Variants in TAF3 observed in about 807,000 individuals in gnomAD.
The protein encoded by TAF3 is TATA-box binding protein associated factor 3.
A neutral mutation model predicts 80.6 loss-of-function variants in TAF3; 7 were observed. That is an observed-to-expected ratio of 0.09 (90% CI 0.05 to 0.16). TAF3 has a LOEUF of 0.16. Ranked by LOEUF, TAF3 falls within the 10% of genes least tolerant of loss-of-function variation. The pLI is 1.00. For missense variants in TAF3, 921 were observed against 1,140.2 expected (o/e 0.81, Z 2.77); for synonymous variants, 444 against 446.1 (o/e 1.00, Z 0.06).
intron 2 of TAF3, among the ~76,000 whole-genome samples, chr10:7,852,304 C>T (rs1362375182): frequency 1.3e-5 from 2 of 152,216 alleles, no homozygotes; most frequent in African/African-American, 4.8e-5. Context: ...AATTTTCTCT[C>T]AAATGTTATA....
intron 2 of TAF3, among the ~76,000 whole-genome samples, chr10:7,927,888 C>A (rs11255447): frequency 0.54 from 81,895 of 151,732 alleles, 23,315 homozygotes; most frequent in East Asian, 0.7. Flanking sequence ...AAATAACGGG[C>A]TATGTTTAAA....
At chr10:7,822,319 A>G (rs1836698160) in intron 1 of TAF3, among the ~76,000 whole-genome samples, 1 of 152,116 alleles carries the variant, frequency 6.6e-6, no homozygotes, top group Non-Finnish European at 1.5e-5. Flanking sequence ...TGAGGCTGCA[A>G]AGCATATGGA....
chr10:7,850,527 T>G (rs1280627578), intron 2 of TAF3, among the ~76,000 whole-genome samples: 8 of 151,964 alleles, frequency 5.3e-5, no homozygotes, highest in African/African-American at 1.9e-4. Context: ...AATACAAAAA[T>G]TAGCCAGGCA....
At chr10:7,920,299 CGTGT>C (rs60287426) in intron 2 of TAF3, among the ~76,000 whole-genome samples, 4,091 of 101,322 alleles carry the variant, frequency 0.04, 135 homozygotes, top group African/African-American at 0.088. Context: ...TTTAAACATA[CGTGT>C]GTGTGTGTGT....
At chr10:7,880,235 C>G (rs1837347840) in intron 2 of TAF3, among the ~76,000 whole-genome samples, 1 of 152,032 alleles carries the variant, frequency 6.6e-6, no homozygotes, top group Non-Finnish European at 1.5e-5. Context: ...GAAACCTTGT[C>G]TCGGAAAAAA....
chr10:7,993,842 A>G (rs1588579926), intron 4 of TAF3, among the ~76,000 whole-genome samples: 1 of 151,342 alleles, frequency 6.6e-6, no homozygotes. Context: ...CGACCCTGAA[A>G]TACACCTCAT....
At chr10:7,995,503 G>T (rs998295857) in intron 4 of TAF3, among the ~76,000 whole-genome samples, 1 of 152,008 alleles carries the variant, frequency 6.6e-6, no homozygotes, top group African/African-American at 2.4e-5. Flanking sequence ...AGGAAATGTG[G>T]ATTATATATT....
chr10:7,942,238 T>C (rs1331368194), intron 2 of TAF3, among the ~76,000 whole-genome samples: 1 of 152,242 alleles, frequency 6.6e-6, no homozygotes, highest in Non-Finnish European at 1.5e-5. Flanking sequence ...GTTTTGTCGA[T>C]TTCAGTCGAG....
chr10:7,885,118 C>G (rs1837397306), intron 2 of TAF3, among the ~76,000 whole-genome samples: 1 of 151,662 alleles, frequency 6.6e-6, no homozygotes, highest in Non-Finnish European at 1.5e-5. Flanking sequence ...TACAGAGTGT[C>G]TGTTTGGGTT....
intron 4 of TAF3, among the ~76,000 whole-genome samples, chr10:7,992,259 A>G (rs1396705499): frequency 1.3e-5 from 2 of 152,228 alleles, no homozygotes; most frequent in Non-Finnish European, 1.5e-5. Flanking sequence ...TTTGAAAGGA[A>G]CCCTCAAAGT....
intron 2 of TAF3, among the ~76,000 whole-genome samples, chr10:7,912,575 C>T (rs1837666611): frequency 6.6e-6 from 1 of 152,218 alleles, no homozygotes; most frequent in South Asian, 2.1e-4. Flanking sequence ...CCTAACCCTT[C>T]TGGTTATAAA....
intron 2 of TAF3, among the ~76,000 whole-genome samples, chr10:7,950,003 A>T (rs1004165747): frequency 6.6e-6 from 1 of 152,238 alleles, no homozygotes; most frequent in Admixed American, 6.5e-5. Context: ...ATTAGAGTCA[A>T]TGATACATGG....
At chr10:7,906,671 A>G (rs1306728951) in intron 2 of TAF3, among the ~76,000 whole-genome samples, 1 of 151,962 alleles carries the variant, frequency 6.6e-6, no homozygotes, top group East Asian at 2.0e-4. Flanking sequence ...TTATTCCTAC[A>G]AAAGTAATGA....
intron 2 of TAF3, among the ~76,000 whole-genome samples, chr10:7,856,153 G>C (rs182816886): frequency 6.8e-4 from 103 of 152,228 alleles, no homozygotes; most frequent in African/African-American, 2.4e-3. Flanking sequence ...TCGAGAACTA[G>C]AAAATAAAGG....
chr10:7,863,608 T>TAAAAAA (rs1230925353), intron 2 of TAF3, among the ~76,000 whole-genome samples: 470 of 20,382 alleles, frequency 0.023, 37 homozygotes, highest in Middle Eastern at 0.042. Context: ...AAACTCTGTC[T>TAAAAAA]AAAAAAAAAA....
chr10:7,936,046 G>A (rs1008211018), intron 2 of TAF3, among the ~76,000 whole-genome samples: 2 of 152,088 alleles, frequency 1.3e-5, no homozygotes, highest in Admixed American at 6.6e-5. Context: ...TAAGAGACAC[G>A]GCGGTGTCCT....
intron 2 of TAF3, among the ~76,000 whole-genome samples, chr10:7,863,645 A>G (rs1228722341): frequency 8.2e-6 from 1 of 121,972 alleles, no homozygotes; most frequent in African/African-American, 3.0e-5. Flanking sequence ...ATATATATAT[A>G]TACACACACA....
intron 2 of TAF3, among the ~76,000 whole-genome samples, chr10:7,840,122 A>G (rs1215389326): frequency 6.6e-6 from 1 of 152,148 alleles, no homozygotes; most frequent in Non-Finnish European, 1.5e-5. Flanking sequence ...CTAAATTAAC[A>G]AAGTAATTCT....
intron 2 of TAF3, among the ~76,000 whole-genome samples, chr10:7,835,576 A>C (rs2131108858): frequency 6.6e-6 from 1 of 152,294 alleles, no homozygotes; most frequent in Admixed American, 6.5e-5. Flanking sequence ...GAGAGCAGCC[A>C]GGGTCAAGTC....
Sources: allele counts gnomAD v4.1 joint callset (sites outside exome capture counted in the v4.1 genomes callset), GRCh38; gene constraint gnomAD v4.1.1; transcripts MANE v1.5; gene names NCBI Gene and HGNC (gene_info 2026-07-23, HGNC 2026-07-21).